TASOR: variants seen among roughly 807,000 people sequenced by gnomAD.
TASOR encodes the protein transcription activation suppressor.
Under a neutral mutation model 178.6 loss-of-function variants are expected in TASOR, and 53 were observed. That is an observed-to-expected ratio of 0.30 (90% confidence interval 0.24 to 0.37). TASOR has a LOEUF of 0.37. Ranked by LOEUF, TASOR falls within the 10% of genes least tolerant of loss-of-function variation. TASOR has a pLI of 1.00. For synonymous variants in TASOR, 713 were observed against 696.2 expected, an observed-to-expected ratio of 1.02 and a Z score of -0.38; for missense variants, 1,815 against 1,971.4, an observed-to-expected ratio of 0.92 and a Z score of 1.50.
rs917881609 is a variant in TASOR, at chr3:56,620,269, C to T, written c.*2768G>A. 5 of 157,128 alleles carry T rather than the reference C, an allele frequency of 3.2e-5. No individual in the cohort carries two copies. The highest frequency in any genetic ancestry group is 1.9e-4 in the Admixed American group (3 of 15,714). The allele number at this position is 157,128 out of a possible 1,614,324, so 9.7% of individuals were successfully genotyped here. On this transcript the variant is annotated 3_prime_UTR_variant, in exon 24 of 24. Transcript: ENST00000683822. ...TGGCCCACGCTTTTTAAAAAATTGA[C>T]GTGTTGGCAGTGTTTGTTAGAACAT...
At chr3:56,650,787 C>T (rs994431877) in intron 11 of TASOR, among the ~76,000 whole-genome samples, 1 of 152,178 alleles carries the variant, frequency 6.6e-6, no homozygotes, top group Non-Finnish European at 1.5e-5. Flanking sequence ...TTAACTGGGT[C>T]TTACGGCTAC....
At chr3:56,664,188 G>A (rs1186510505) in intron 7 of TASOR, 6 of 152,124 alleles carry the variant, frequency 3.9e-5, no homozygotes, top group African/African-American at 1.4e-4. Context: ...GAAAGTGAGA[G>A]AACAGCAAAT....
At chr3:56,663,468 C>T in intron 8 of TASOR, 73 bp downstream of exon 8, 1 of 864,006 alleles carries the variant, frequency 1.2e-6, no homozygotes, top group Non-Finnish European at 1.6e-6. Flanking sequence ...AAAAATAATA[C>T]AAAGCACTTA....
chr3:56,638,953 A>C (rs1559824308), intron 16 of TASOR, among the ~76,000 whole-genome samples, 188 bp from the exon 17 acceptor site: 1 of 152,194 alleles, frequency 6.6e-6, no homozygotes. Flanking sequence ...CCCAACACCA[A>C]GTATGAAGGT....
chr3:56,642,544 G>GA (rs1354154905), intron 14 of TASOR, among the ~76,000 whole-genome samples: 11 of 152,142 alleles, frequency 7.2e-5, no homozygotes, highest in Admixed American at 4.6e-4. Flanking sequence ...ATAAATGTCA[G>GA]AAACAAAGGA....
At position 56,646,986 on chromosome 3, in the gene TASOR, T is replaced by C. The variant is rs1367966267; in HGVS notation, c.1751A>G (p.Asp584Gly). The C allele has an allele frequency of 6.2e-7, 1 of 1,605,924 alleles. No homozygotes were observed. The highest frequency in any genetic ancestry group is 2.2e-5 in the East Asian group (1 of 44,818). The change falls in exon 14 of 24, where the codon GAT becomes GGT. Residue 584 changes from aspartate to glycine, a missense_variant. By Grantham distance (94) the Asp-to-Gly change is moderately conservative. Transcript: ENST00000683822. ...GGGAGCTGAGTATAAGAATTTTTTA[T>C]CATCTAATCGTGAATCATATGGAAA... is the stretch of plus-strand genomic sequence containing the variant. The part of the protein sequence containing the change: ...IMFPYDSRLD[D>G]KKFLYSAPRN...
chr3:56,640,852 C>A (rs2077106738), intron 15 of TASOR, among the ~76,000 whole-genome samples: 1 of 152,136 alleles, frequency 6.6e-6, no homozygotes, highest in Non-Finnish European at 1.5e-5. Context: ...CTCTAATAAG[C>A]AAGGCTGAGA....
chr3:56,677,753 C>T (rs189084631), intron 1 of TASOR, among the ~76,000 whole-genome samples: 24 of 152,266 alleles, frequency 1.6e-4, no homozygotes, highest in Non-Finnish European at 1.0e-4. Flanking sequence ...TCTAATACTG[C>T]TCTTTCTACC....
At chr3:56,663,772 C>T in intron 7 of TASOR, 200 bp from the exon 8 acceptor site, 2 of 1,028,604 alleles carry the variant, frequency 1.9e-6, no homozygotes, top group South Asian at 8.7e-5. Context: ...ACTTACTTCG[C>T]TCAAATTACC....
At chr3:56,666,154 A>T in intron 7 of TASOR, 106 bp downstream of exon 7, 2 of 450,110 alleles carry the variant, frequency 4.4e-6, no homozygotes, top group Non-Finnish European at 2.8e-6. Context: ...AGGGAAGTTA[A>T]AAAAAAAAAA....
At chr3:56,650,157 C>T (rs955643850) in intron 11 of TASOR, among the ~76,000 whole-genome samples, 1 of 152,200 alleles carries the variant, frequency 6.6e-6, no homozygotes, top group Non-Finnish European at 1.5e-5. Flanking sequence ...AGCATGGCAA[C>T]TGAACACAAA....
chr3:56,652,636 A>C (rs1447369035), intron 11 of TASOR, among the ~76,000 whole-genome samples: 3 of 152,208 alleles, frequency 2.0e-5, no homozygotes, highest in Non-Finnish European at 2.9e-5. Context: ...TAGGCAAAGA[A>C]TACCGGAATA....
intron 18 of TASOR, among the ~76,000 whole-genome samples, chr3:56,630,852 TAAATA>T (rs1404877500): frequency 2.2e-5 from 3 of 135,088 alleles, no homozygotes; most frequent in African/African-American, 8.4e-5. Flanking sequence ...TCTCAATAAA[TAAATA>T]AATTTTTTAA....
At chr3:56,650,749 G>A (rs1252408130) in intron 11 of TASOR, among the ~76,000 whole-genome samples, 2 of 152,264 alleles carry the variant, frequency 1.3e-5, no homozygotes, top group East Asian at 3.9e-4. Flanking sequence ...TCATACTGCT[G>A]ACATATAGTA....
chr3:56,675,687 T>C (rs1452148974), intron 1 of TASOR, among the ~76,000 whole-genome samples: 2 of 152,232 alleles, frequency 1.3e-5, no homozygotes, highest in African/African-American at 4.8e-5. Context: ...TATTCTCTAT[T>C]ACCTTAATTT....
Position 56,633,315 on chromosome 3 carries a change from A to C in TASOR, c.3476T>G (p.Val1159Gly), listed in dbSNP as rs1276102874. The change falls in exon 18 of 24, where the codon GTA becomes GGA. Residue 1159 changes from valine to glycine, a missense_variant. Val to Gly is a moderately radical substitution (Grantham distance 109). Around this residue, in one of 5 missense-constraint regions of TASOR, gnomAD observed 655 missense variants for 671.1 expected, o/e 0.98. Coordinates refer to ENST00000683822, the MANE Select transcript of TASOR (RefSeq NM_001365635.2). ...EQHSTSALTE[V>G]EMNQPQHATE... is the part of the protein sequence containing the mutation. ...GGCATGTTGAGGCTGGTTCATTTCT[A>C]CTTCAGTTAAAGCCGAAGTGGAATG... 1 of 1,614,076 alleles carries C rather than the reference A, an allele frequency of 6.2e-7. No individual in the cohort carries two copies. Among genetic ancestry groups the C allele is most frequent in the South Asian group, 1.1e-5 (1 of 91,080 alleles).
chr3:56,682,433 A>C (rs915455577), intron 1 of TASOR, among the ~76,000 whole-genome samples: 1 of 152,030 alleles, frequency 6.6e-6, no homozygotes, highest in Non-Finnish European at 1.5e-5. Context: ...AGCCTTACGG[A>C]CAAGCTTCAA....
In TASOR at chr3:56,666,320, G is replaced by A; in HGVS notation, c.962C>T (p.Ala321Val). 1 of 1,546,958 alleles carries A rather than the reference G, an allele frequency of 6.5e-7. No individual in the cohort carries two copies. The highest frequency in any genetic ancestry group is 8.7e-7 in the Non-Finnish European group (1 of 1,144,856). ...ATCTTTGTAAGTAAAAGACACAACT[G>A]CATATGGACAAACGTGTCTTGGTCT... ...RRRPRHVCPY[A>V]VVSFTYKDDI... Residue 321 changes from alanine (A) to valine (V), a missense_variant, in exon 7 of 24, where the codon GCA (alanine) becomes GTA (valine). Coordinates refer to ENST00000683822, the MANE Select transcript of TASOR (RefSeq NM_001365635.2).
chr3:56,639,425 A>AT (rs775541678), intron 16 of TASOR, among the ~76,000 whole-genome samples: 15 of 152,032 alleles, frequency 9.9e-5, no homozygotes, highest in Non-Finnish European at 2.1e-4. Context: ...AAAAAAAAAG[A>AT]TAATATTTCA....
Sources: allele counts gnomAD v4.1 joint callset (sites outside exome capture counted in the v4.1 genomes callset), GRCh38; gene constraint gnomAD v4.1.1; regional missense constraint gnomAD v4.1.1; transcripts MANE v1.5; gene names NCBI Gene and HGNC (gene_info 2026-07-23, HGNC 2026-07-21).